Variants in PLEKHH2 observed in about 807,000 individuals in gnomAD.
The protein encoded by PLEKHH2 is pleckstrin homology domain-containing family H member 2.
PLEKHH2 carries 129 observed loss-of-function variants against 187.9 expected under a neutral mutation model. The ratio of observed to expected loss-of-function variants is 0.69; its 90% CI spans 0.59 to 0.79. The LOEUF (loss-of-function observed/expected upper bound fraction) is 0.79, where lower values mean the gene tolerates loss of function less well. Ranked by LOEUF, PLEKHH2 falls within the 30% of genes least tolerant of loss-of-function variation. The pLI is 0.00. For missense variants in PLEKHH2, 2,076 were observed against 1,751.2 expected, an observed-to-expected ratio of 1.19 and a Z score of -3.31; for synonymous variants, 686 against 605.6, an observed-to-expected ratio of 1.13 and a Z score of -1.95.
intron 27 of PLEKHH2, among the ~76,000 whole-genome samples, chr2:43,760,359 C>CAATT (rs1672374756): frequency 8.4e-6 from 1 of 119,076 alleles, no homozygotes. Context: ...ACCCTTTAAC[C>CAATT]TTTTTTTTTT....
At chr2:43,733,868 A>C (rs958930362) in intron 19 of PLEKHH2, among the ~76,000 whole-genome samples, 7 of 152,226 alleles carry the variant, frequency 4.6e-5, no homozygotes, top group Admixed American at 4.6e-4. Flanking sequence ...CCACCTGTAG[A>C]GTACACCAAT....
At chr2:43,678,823 A>G in intron 2 of PLEKHH2, 40 bp from the exon 3 acceptor site, 1 of 1,491,942 alleles carries the variant, frequency 6.7e-7, no homozygotes, top group Non-Finnish European at 9.2e-7. Context: ...TCATTTTTCA[A>G]AAATAAATTT....
chr2:43,730,355 G>A (rs1380979969), intron 18 of PLEKHH2, among the ~76,000 whole-genome samples: 6 of 152,150 alleles, frequency 3.9e-5, no homozygotes, highest in Non-Finnish European at 7.4e-5. Flanking sequence ...GTGGCCCAGG[G>A]AAGCCAAAAG....
Position 43,700,168 on chromosome 2 carries a change from GCCAACACC to G in PLEKHH2, c.1215_1222del (p.Asn405LysfsTer14). On this transcript the variant is annotated frameshift_variant, in exon 8 of 30. Coordinates refer to ENST00000282406, the MANE Select transcript of PLEKHH2 (RefSeq NM_172069.4). LOFTEE classifies it high-confidence loss of function. ...CGATTATTCATCTTCATCGAGTGAA[GCCAACACC>G]CCAAGCCCTATTTTGACCCCAGCTT... 3.1e-6 allele frequency: 5 copies of G among 1,614,066 alleles called. No individual in the cohort carries two copies. The highest frequency in any genetic ancestry group is 4.2e-6 in the Non-Finnish European group (5 of 1,180,028).
At chr2:43,686,255 G>A (rs570295095) in intron 3 of PLEKHH2, among the ~76,000 whole-genome samples, 5 of 152,066 alleles carry the variant, frequency 3.3e-5, no homozygotes, top group African/African-American at 1.2e-4. Flanking sequence ...GGAGTGCAGT[G>A]GCATGATCCT....
intron 2 of PLEKHH2, 54 bp from the exon 3 acceptor site, chr2:43,678,809 A>G (rs1377588444): frequency 4.4e-6 from 6 of 1,361,218 alleles, no homozygotes; most frequent in East Asian, 4.7e-5. Context: ...TTTTTCAGAA[A>G]GGCTCATTTT....
chr2:43,739,485 G>C (rs1437848566), intron 20 of PLEKHH2, among the ~76,000 whole-genome samples: 1 of 152,170 alleles, frequency 6.6e-6, no homozygotes, highest in Non-Finnish European at 1.5e-5. Flanking sequence ...GGACTGTCGG[G>C]GTTGGATCTA....
Position 43,675,430 on chromosome 2 carries a change from T to A in PLEKHH2, c.124-3433T>A, listed in dbSNP as rs998623599. On this transcript the variant is annotated intron_variant, in intron 2 of 29. Coordinates refer to ENST00000282406, the MANE Select transcript of PLEKHH2 (RefSeq NM_172069.4). The stretch of plus-strand genomic sequence containing the variant: ...GAAAACGAGTGTGTCATTGAAATAG[T>A]GTCCAAATGCCCTGAGCCGGTACAG... 4 of 1,608,692 alleles carry A rather than the reference T, an allele frequency of 2.5e-6. No individual in the cohort carries two copies. The African/African-American group carries it at 5.4e-5, about 22-fold the overall frequency.
chr2:43,732,078 T>C (rs1281918042), intron 19 of PLEKHH2, among the ~76,000 whole-genome samples: 1 of 152,190 alleles, frequency 6.6e-6, no homozygotes, highest in Non-Finnish European at 1.5e-5. Context: ...CAGATTTCTT[T>C]AAGGGCCAGG....
intron 8 of PLEKHH2, 35 bp from the exon 9 acceptor site, chr2:43,703,946 T>TTTTTA: frequency 1.6e-6 from 1 of 618,590 alleles, no homozygotes. Flanking sequence ...TTTTTTGCTT[T>TTTTTA]AAATACCCTG....
At chr2:43,659,917 T>C (rs188442921) in intron 2 of PLEKHH2, among the ~76,000 whole-genome samples, 1 of 152,318 alleles carries the variant, frequency 6.6e-6, no homozygotes, top group Non-Finnish European at 1.5e-5. Flanking sequence ...TATGTAAAAG[T>C]CACCCTTTTG....
At chr2:43,645,509 C>T (rs977733644) in intron 2 of PLEKHH2, among the ~76,000 whole-genome samples, 1 of 152,048 alleles carries the variant, frequency 6.6e-6, no homozygotes, top group African/African-American at 2.4e-5. Context: ...TAGCCACTAG[C>T]CACATGTGGA....
chr2:43,748,350 C>CT (rs1671863874), intron 24 of PLEKHH2, among the ~76,000 whole-genome samples: 3 of 152,192 alleles, frequency 2.0e-5, no homozygotes, highest in Non-Finnish European at 4.4e-5. Flanking sequence ...GGACCTGTTT[C>CT]CCTTGAGGGC....
At chr2:43,680,130 C>G (rs1248172756) in intron 3 of PLEKHH2, among the ~76,000 whole-genome samples, 1 of 152,156 alleles carries the variant, frequency 6.6e-6, no homozygotes, top group East Asian at 1.9e-4. Flanking sequence ...AGATCTCAGT[C>G]ATATTCAGTT....
At chr2:43,666,982 C>T (rs1419662563) in intron 2 of PLEKHH2, among the ~76,000 whole-genome samples, 2 of 152,004 alleles carry the variant, frequency 1.3e-5, no homozygotes, top group African/African-American at 4.8e-5. Context: ...TCTCATTTTT[C>T]TTAATAGTGT....
Position 43,644,784 on chromosome 2 carries a change from T to C in PLEKHH2, c.111T>C (p.Leu37=), listed in dbSNP as rs141011381. 1,111 of 1,606,526 alleles carry C rather than the reference T, an allele frequency of 6.9e-4. 3 individuals carry two copies. Among genetic ancestry groups the C allele is most frequent in the Middle Eastern group, 2.0e-3 (12 of 6,040 alleles). ...TTCAAGCAAGCAAGATACGAGAGCT[T>C]TTAGCAGAGAAGGTAAGCTTTCTCC... is the stretch of plus-strand genomic sequence containing the variant. The part of the protein sequence containing the change: ...FRVQASKIRE[L]LAEKMQQLER... The change falls in exon 2 of 30, where the codon CTT becomes CTC. Residue 37 remains leucine, a synonymous_variant. Transcript: ENST00000282406.
chr2:43,680,867 C>T, intron 3 of PLEKHH2: 1 of 544,432 alleles, frequency 1.8e-6, no homozygotes, highest in Non-Finnish European at 3.4e-6. Flanking sequence ...ATAGCATAGT[C>T]ACATCTTCCA....
intron 1 of PLEKHH2, among the ~76,000 whole-genome samples, chr2:43,641,713 G>C (rs909159298): frequency 6.6e-6 from 1 of 152,068 alleles, no homozygotes; most frequent in Non-Finnish European, 1.5e-5. Context: ...TTTACATATG[G>C]ATATCCAGTT....
intron 15 of PLEKHH2, 70 bp downstream of exon 15, chr2:43,712,453 G>A: frequency 6.6e-7 from 1 of 1,513,544 alleles, no homozygotes; most frequent in Non-Finnish European, 9.0e-7. Context: ...CTGAAAATGG[G>A]ATGTCAGAGC....
Sources: gnomAD v4.1 joint callset for allele counts (sites outside exome capture counted in the v4.1 genomes callset) on GRCh38, gnomAD v4.1.1 for gene constraint, MANE v1.5 for transcripts, NCBI Gene and HGNC (gene_info 2026-07-23, HGNC 2026-07-21) for gene names.